The following DIP2B variants were observed in gnomAD, a reference collection of about 807,000 sequenced individuals.
DIP2B encodes the protein disco-interacting protein 2 homolog B.
In DIP2B, 76 loss-of-function variants were observed where a neutral mutation model predicts 198.0. The observed-to-expected ratio is 0.38, with a 90% CI of 0.32 to 0.46. The LOEUF (loss-of-function observed/expected upper bound fraction) is 0.46, where lower values mean the gene tolerates loss of function less well. Among genes scored for constraint, DIP2B ranks in the 20% least tolerant of loss-of-function variants. DIP2B has a pLI of 0.99. For synonymous variants in DIP2B, 701 were observed against 739.1 expected, an observed-to-expected ratio of 0.95 and a Z score of 0.84; for missense variants, 1,559 against 1,978.4, an observed-to-expected ratio of 0.79 and a Z score of 4.02.
At chr12:50,665,785 A>G (rs915951749) in intron 4 of DIP2B, among the ~76,000 whole-genome samples, 109 of 152,128 alleles carry the variant, frequency 7.2e-4, no homozygotes, top group African/African-American at 2.6e-3. Context: ...GAAAAAAAAA[A>G]AAAAAAATTC....
intron 1 of DIP2B, among the ~76,000 whole-genome samples, chr12:50,510,792 T>A (rs573977908): frequency 6.6e-6 from 1 of 151,118 alleles, no homozygotes; most frequent in African/African-American, 2.4e-5. Context: ...ATTACAGGCA[T>A]GTGCCACCAC....
chr12:50,684,294 G>A (rs578127985), intron 10 of DIP2B, among the ~76,000 whole-genome samples: 1 of 152,310 alleles, frequency 6.6e-6, no homozygotes, highest in Admixed American at 6.5e-5. Context: ...TAGGTGGAAA[G>A]TGATGGTGTG....
At chr12:50,687,706 G>C (rs1939155458) in intron 12 of DIP2B, among the ~76,000 whole-genome samples, 1 of 152,048 alleles carries the variant, frequency 6.6e-6, no homozygotes, top group African/African-American at 2.4e-5. Flanking sequence ...GACACAGGGA[G>C]GGGAATATCA....
At chr12:50,671,140 T>C (rs774155722) in intron 4 of DIP2B, 46 bp from the exon 5 acceptor site, 2 of 1,570,550 alleles carry the variant, frequency 1.3e-6, no homozygotes, top group Non-Finnish European at 1.7e-6. Context: ...GAAAAGTCTC[T>C]GTTCTAGGTA....
intron 3 of DIP2B, among the ~76,000 whole-genome samples, chr12:50,654,472 A>C: frequency 6.6e-6 from 1 of 151,684 alleles, no homozygotes; most frequent in East Asian, 1.9e-4. Context: ...CTCCTGCCTC[A>C]GCCTCCTGAG....
At chr12:50,738,099 T>C (rs1222151679) in intron 35 of DIP2B, among the ~76,000 whole-genome samples, 1 of 152,032 alleles carries the variant, frequency 6.6e-6, no homozygotes, top group Admixed American at 6.6e-5. Context: ...CCCAGCACTT[T>C]GGGAGGCCAA....
At chr12:50,634,821 T>C (rs765216461) in intron 2 of DIP2B, among the ~76,000 whole-genome samples, 3 of 152,228 alleles carry the variant, frequency 2.0e-5, no homozygotes, top group Non-Finnish European at 2.9e-5. Flanking sequence ...GTTCTATAAA[T>C]GTTTGCACAA....
chr12:50,684,966 C>G (rs1370270872), intron 10 of DIP2B, among the ~76,000 whole-genome samples: 1 of 152,064 alleles, frequency 6.6e-6, no homozygotes, highest in Non-Finnish European at 1.5e-5. Flanking sequence ...GTGGTGCGCT[C>G]CTGTAGTCCC....
chr12:50,539,280 G>C (rs988042979), intron 1 of DIP2B, among the ~76,000 whole-genome samples: 12 of 149,876 alleles, frequency 8.0e-5, no homozygotes, highest in African/African-American at 2.9e-4. Context: ...GCCTAGGCTG[G>C]AGTGCAGTGG....
intron 1 of DIP2B, among the ~76,000 whole-genome samples, chr12:50,619,406 A>C (rs1488398288): frequency 1.3e-5 from 2 of 152,180 alleles, no homozygotes; most frequent in Non-Finnish European, 2.9e-5. Flanking sequence ...AAGTGACTGT[A>C]TCGTTAGGAA....
At chr12:50,665,600 C>A (rs999038546) in intron 4 of DIP2B, among the ~76,000 whole-genome samples, 1 of 151,550 alleles carries the variant, frequency 6.6e-6, no homozygotes, top group Non-Finnish European at 1.5e-5. Context: ...TTTTTTAATT[C>A]CTTCATAGTG....
chr12:50,598,977 CAT>C (rs1958912222), intron 1 of DIP2B, among the ~76,000 whole-genome samples: 1 of 63,658 alleles, frequency 1.6e-5, no homozygotes, highest in Admixed American at 1.9e-4. Context: ...TGGGTCAACA[CAT>C]ATAAACATTA....
At chr12:50,653,262 A>C (rs1938489622) in intron 3 of DIP2B, among the ~76,000 whole-genome samples, 2 of 149,762 alleles carry the variant, frequency 1.3e-5, no homozygotes, top group Non-Finnish European at 3.0e-5. Context: ...TGTTTCTAAG[A>C]ATTTATCCAA....
chr12:50,556,819 C>T (rs1958475892), intron 1 of DIP2B, among the ~76,000 whole-genome samples: 1 of 152,234 alleles, frequency 6.6e-6, no homozygotes, highest in South Asian at 2.1e-4. Context: ...AAGTGATTCT[C>T]CTGCCTCAGC....
At chr12:50,632,945 TA>T (rs79461135) in intron 2 of DIP2B, among the ~76,000 whole-genome samples, 4,128 of 148,078 alleles carry the variant, frequency 0.028, 172 homozygotes, top group African/African-American at 0.095. Flanking sequence ...TTTTTTTTCT[TA>T]AAAAAAAAAA....
chr12:50,735,977 A>G (rs184391232), intron 34 of DIP2B, among the ~76,000 whole-genome samples: 140 of 152,344 alleles, frequency 9.2e-4, no homozygotes, highest in African/African-American at 2.9e-3. Flanking sequence ...TTTAGTGAGA[A>G]GCAATTTACT....
intron 18 of DIP2B, among the ~76,000 whole-genome samples, chr12:50,698,860 A>G (rs965392064): frequency 6.6e-6 from 1 of 152,202 alleles, no homozygotes; most frequent in African/African-American, 2.4e-5. Flanking sequence ...CTTTGCATTC[A>G]TCGTTAATAT....
chr12:50,535,751 G>C (rs1180224145), intron 1 of DIP2B, among the ~76,000 whole-genome samples: 2 of 151,526 alleles, frequency 1.3e-5, no homozygotes, highest in Non-Finnish European at 2.9e-5. Context: ...ACAATGTGCA[G>C]GTTAGTTACA....
At chr12:50,636,023 C>T (rs570156035) in intron 2 of DIP2B, among the ~76,000 whole-genome samples, 52 of 152,270 alleles carry the variant, frequency 3.4e-4, no homozygotes, top group African/African-American at 1.2e-3. Flanking sequence ...CAGCCTCTGA[C>T]CTCAAGTTAT....
Sources: allele counts gnomAD v4.1 joint callset (sites outside exome capture counted in the v4.1 genomes callset), GRCh38; gene constraint gnomAD v4.1.1; transcripts MANE v1.5; gene names NCBI Gene and HGNC (gene_info 2026-07-23, HGNC 2026-07-21).